The following PIEZO2 variants were observed in gnomAD, a reference collection of about 807,000 sequenced individuals.
PIEZO2 encodes piezo-type mechanosensitive ion channel component 2.
A neutral mutation model predicts 337.3 loss-of-function variants in PIEZO2; 172 were observed. The ratio of observed to expected loss-of-function variants is 0.51; its 90% CI spans 0.45 to 0.58. PIEZO2 has a LOEUF of 0.58. PIEZO2 is among the 20% of genes least tolerant of loss of function. The pLI, the probability that PIEZO2 is intolerant of heterozygous loss-of-function variation, is 0.00. For synonymous variants in PIEZO2, 1,251 were observed against 1,228.5 expected (o/e 1.02, Z -0.38); for missense variants, 3,028 against 3,391.3 (o/e 0.89, Z 2.66).
rs1045933187 is a variant in PIEZO2, at chr18:11,048,023, A to G, written c.160+18104T>C. Among the ~76,000 whole-genome samples, 8 of 152,140 alleles carry G rather than the reference A, an allele frequency of 5.3e-5. No homozygotes were observed. Among genetic ancestry groups the G allele is most frequent in the Non-Finnish European group, 1.2e-4 (8 of 68,020 alleles). On this transcript the variant is annotated intron_variant, in intron 2 of 55. Coordinates refer to ENST00000674853, the MANE Select transcript of PIEZO2 (RefSeq NM_001378183.1). This position sits in a 1 kb window ranked among gnomAD's most constrained non-coding sequence, Gnocchi z 4.5. The stretch of plus-strand genomic sequence containing the variant: ...CTCCTGCATGGTCTGCAGCTCTGAA[A>G]GTGGTTCCAGGCCAACCCACCCAGT...
intron 2 of PIEZO2, among the ~76,000 whole-genome samples, chr18:11,026,834 C>G (rs554089243): frequency 2.0e-5 from 3 of 152,224 alleles, no homozygotes; most frequent in East Asian, 1.9e-4. Flanking sequence ...GAACATGGAC[C>G]AGATCACATT....
intron 30 of PIEZO2, among the ~76,000 whole-genome samples, chr18:10,747,734 A>T (rs556007593): frequency 6.6e-6 from 1 of 152,336 alleles, no homozygotes; most frequent in South Asian, 2.1e-4. Context: ...CATGGCAGGG[A>T]AAGAGAACAG....
intron 3 of PIEZO2, among the ~76,000 whole-genome samples, chr18:10,912,937 A>AATTCCAATATGTTTT (rs1487400444): frequency 1.3e-5 from 2 of 152,074 alleles, no homozygotes; most frequent in African/African-American, 2.4e-5. Context: ...TCTCTGGCTG[A>AATTCCAATATGTTTT]ATTCCAATAT....
At chr18:10,693,439 A>G (rs1055011288) in intron 47 of PIEZO2, among the ~76,000 whole-genome samples, 7 of 151,168 alleles carry the variant, frequency 4.6e-5, no homozygotes, top group Admixed American at 1.3e-4. Context: ...GCGCAATCTC[A>G]GCTCACTGCA....
chr18:10,732,861 T>C (rs1337839711), intron 35 of PIEZO2, among the ~76,000 whole-genome samples: 1 of 152,204 alleles, frequency 6.6e-6, no homozygotes, highest in Admixed American at 6.5e-5. Flanking sequence ...TTGATTGCTT[T>C]AAAATAATCT....
intron 18 of PIEZO2, among the ~76,000 whole-genome samples, chr18:10,774,313 T>C (rs542039944): frequency 6.6e-6 from 1 of 152,296 alleles, no homozygotes; most frequent in East Asian, 1.9e-4. Flanking sequence ...AATTATATCA[T>C]GCTTTTTTAG....
chr18:10,977,090 C>T (rs2034474435), intron 3 of PIEZO2, among the ~76,000 whole-genome samples: 1 of 150,178 alleles, frequency 6.7e-6, no homozygotes, highest in South Asian at 2.1e-4. Context: ...AGAGTAACTA[C>T]AGTTATAAAT....
At chr18:10,719,019 A>T (rs183244496) in intron 36 of PIEZO2, among the ~76,000 whole-genome samples, 6,761 of 150,398 alleles carry the variant, frequency 0.045, 505 homozygotes, top group African/African-American at 0.16. Context: ...ATAAATAAAT[A>T]AATAAATTTG....
intron 52 of PIEZO2, among the ~76,000 whole-genome samples, chr18:10,678,938 T>C (rs529102471): frequency 1.4e-3 from 184 of 136,048 alleles, no homozygotes; most frequent in African/African-American, 4.0e-3. Flanking sequence ...AATTTCTTTT[T>C]TTTTTTTTTT....
chr18:10,756,075 T>G (rs1301800585), intron 27 of PIEZO2, among the ~76,000 whole-genome samples: 1 of 105,126 alleles, frequency 9.5e-6, no homozygotes, highest in African/African-American at 3.8e-5. Context: ...GGGATAAGGA[T>G]AAAGGATGGA....
In PIEZO2 at chr18:11,009,657, C is replaced by T. The variant is rs562326124; in HGVS notation, c.161-29997G>A. Among the ~76,000 whole-genome samples, 5 of 152,294 alleles carry T rather than the reference C, an allele frequency of 3.3e-5. No individual in the cohort carries two copies. The South Asian group carries it at 8.3e-4, about 25-fold the overall frequency. The stretch of plus-strand genomic sequence containing the variant: ...ATAAATGTCTTGTTATGGGTTAAAT[C>T]GTGTCCCCTTCATATGCTAAGTTCA... On this transcript the variant is annotated intron_variant, in intron 2 of 55. Transcript: ENST00000674853. The surrounding 1 kb of genome is among the most constrained non-coding windows in gnomAD (Gnocchi z 4.6).
chr18:10,717,366 G>T (rs2036052338), intron 37 of PIEZO2, among the ~76,000 whole-genome samples: 1 of 152,148 alleles, frequency 6.6e-6, no homozygotes, highest in African/African-American at 2.4e-5. Context: ...GAGGGCATTA[G>T]GTGGCCTTCC....
intron 3 of PIEZO2, among the ~76,000 whole-genome samples, chr18:10,948,513 C>T (rs776578937): frequency 1.3e-5 from 2 of 152,084 alleles, no homozygotes; most frequent in Non-Finnish European, 2.9e-5. Flanking sequence ...AAGATTGATG[C>T]ATTTTGTTTT....
In PIEZO2 at chr18:10,855,978, C is replaced by CT. The variant is rs1011959974; in HGVS notation, c.704-413dup. 2.6e-4 allele frequency among the ~76,000 whole-genome samples: 38 copies of CT among 147,188 alleles called. No individual in the cohort carries two copies. Among genetic ancestry groups the CT allele is most frequent in the African/African-American group, 4.0e-4 (16 of 39,570 alleles). ...CCATTTTCTTTATAATAATTTACTACTTTTTTTTTTTAAGTTAACTAGTAC... is the reference window on the plus strand; with the variant it reads ...CCATTTTCTTTATAATAATTTACTACTTTTTTTTTTTTAAGTTAACTAGTAC... On this transcript the variant is annotated intron_variant, in intron 6 of 55. Coordinates refer to ENST00000674853, the MANE Select transcript of PIEZO2 (RefSeq NM_001378183.1). The surrounding 1 kb of genome is among the most constrained non-coding windows in gnomAD (Gnocchi z 4.9).
In PIEZO2 at chr18:11,111,592, G is replaced by A. The variant is rs2039737023; in HGVS notation, c.64+36933C>T. On this transcript the variant is annotated intron_variant, in intron 1 of 55. Transcript: ENST00000674853. This position sits in a 1 kb window ranked among gnomAD's most constrained non-coding sequence, Gnocchi z 6.2. ...CCCGCCCTGCCTGGGACCCTGTAGG[G>A]ACTTTAACTCAAGAGTCTTGATCCA... Among the ~76,000 whole-genome samples the A allele has an allele frequency of 6.6e-6, 1 of 152,076 alleles. No individual in the cohort carries two copies. The highest frequency in any genetic ancestry group is 1.5e-5 in the Non-Finnish European group (1 of 68,026).
chr18:10,863,881 C>T lies in PIEZO2; in HGVS notation c.493-6670G>A, dbSNP rs2041939028. Reference sequence around the variant, plus strand: ...AAACAAATCAGCAGTCACACACACACACACCTATATCATCCACTCAGTTCA... The same window carrying T: ...AAACAAATCAGCAGTCACACACACATACACCTATATCATCCACTCAGTTCA... On this transcript the variant is annotated intron_variant, in intron 5 of 55. Transcript: ENST00000674853. This position sits in a 1 kb window ranked among gnomAD's most constrained non-coding sequence, Gnocchi z 4.3. 6.6e-6 allele frequency among the ~76,000 whole-genome samples: 1 copy of T among 152,158 alleles called. No homozygotes were observed. The highest frequency in any genetic ancestry group is 2.4e-5 in the African/African-American group (1 of 41,440).
intron 49 of PIEZO2, among the ~76,000 whole-genome samples, chr18:10,687,861 T>C (rs1193899413): frequency 1.3e-5 from 2 of 152,190 alleles, no homozygotes; most frequent in Non-Finnish European, 2.9e-5. Flanking sequence ...TAACACCCAG[T>C]TGGGCCACCA....
intron 47 of PIEZO2, among the ~76,000 whole-genome samples, chr18:10,694,820 G>A (rs57844053): frequency 2.0e-5 from 3 of 151,396 alleles, no homozygotes; most frequent in Non-Finnish European, 4.4e-5. Flanking sequence ...GGGTGATGGA[G>A]TGAGATTTTG....
intron 21 of PIEZO2, among the ~76,000 whole-genome samples, chr18:10,764,003 T>C (rs1480499449): frequency 6.6e-6 from 1 of 152,106 alleles, no homozygotes; most frequent in Non-Finnish European, 1.5e-5. Flanking sequence ...GCAACGCTGA[T>C]AGGGAAGCTG....
Sources: allele counts gnomAD v4.1 joint callset (sites outside exome capture counted in the v4.1 genomes callset), GRCh38; gene constraint gnomAD v4.1.1; non-coding constraint Gnocchi (gnomAD v3.1); transcripts MANE v1.5; gene names NCBI Gene and HGNC (gene_info 2026-07-23, HGNC 2026-07-21).